Variants in IFTAP observed in about 807,000 individuals in gnomAD.
IFTAP encodes intraflagellar transport-associated protein.
In IFTAP, 19 loss-of-function variants were observed where a neutral mutation model predicts 19.4. That is an observed-to-expected ratio of 0.98 (90% CI 0.68 to 1.44). IFTAP has a LOEUF of 1.44. Ranked by LOEUF, IFTAP falls within the 40% of genes most tolerant of loss-of-function variation. IFTAP has a pLI of 0.00. For missense variants in IFTAP, 240 were observed against 253.6 expected, an observed-to-expected ratio of 0.95 and a Z score of 0.36; for synonymous variants, 85 against 83.5, an observed-to-expected ratio of 1.02 and a Z score of -0.10.
intron 1 of IFTAP, among the ~76,000 whole-genome samples, chr11:36,608,575 A>G (rs1851773231): frequency 6.6e-6 from 1 of 152,218 alleles, no homozygotes; most frequent in Non-Finnish European, 1.5e-5. Flanking sequence ...AAATATCATA[A>G]GTGAAAATGA....
chr11:36,611,811 G>A (rs1187050825), intron 2 of IFTAP, among the ~76,000 whole-genome samples: 1 of 151,974 alleles, frequency 6.6e-6, no homozygotes, highest in Non-Finnish European at 1.5e-5. Flanking sequence ...TCTTGATAAT[G>A]ACCAAATTAT....
intron 2 of IFTAP, among the ~76,000 whole-genome samples, chr11:36,616,692 C>T (rs931543399): frequency 6.6e-6 from 1 of 151,848 alleles, no homozygotes; most frequent in Non-Finnish European, 1.5e-5. Flanking sequence ...CAGTGCTTTT[C>T]CAGCATTACA....
At position 36,610,117 on chromosome 11, in the gene IFTAP, T is replaced by C; in HGVS notation, c.14T>C (p.Met5Thr). ...TCATGAATAGGAATGTCTGCCCATA[T>C]GTCAGGATTGGAAATAATGGATGAA... MSAH[M>T]SGLEIMDEDQ... The change falls in exon 2 of 6, where the codon ATG (methionine) becomes ACG (threonine). Residue 5 changes from methionine to threonine, a missense_variant. Met to Thr is a moderately conservative substitution (Grantham distance 81). Coordinates refer to ENST00000334307, the MANE Select transcript of IFTAP (RefSeq NM_138787.4). 3 of 1,613,166 alleles carry C rather than the reference T, an allele frequency of 1.9e-6. No homozygotes were observed. The highest frequency in any genetic ancestry group is 1.3e-5 in the African/African-American group (1 of 75,000).
At chr11:36,649,616 TA>T (rs1261848960) in intron 5 of IFTAP, among the ~76,000 whole-genome samples, 3 of 152,060 alleles carry the variant, frequency 2.0e-5, no homozygotes, top group Non-Finnish European at 2.9e-5. Context: ...ATTAATGGGT[TA>T]AAAAAACTGA....
Position 36,645,391 on chromosome 11 carries a change from G to A in IFTAP, c.359-2625G>A, listed in dbSNP as rs184361464. Among the ~76,000 whole-genome samples, 12 of 152,240 alleles carry A rather than the reference G, an allele frequency of 7.9e-5. No homozygotes were observed. In the East Asian group the frequency reaches 2.1e-3, roughly 27 times the overall value. On this transcript the variant is annotated intron_variant, in intron 4 of 5. Coordinates refer to ENST00000334307, the MANE Select transcript of IFTAP (RefSeq NM_138787.4). Reference sequence around the variant, plus strand: ...CCAACCTCAAGATTCATTTTTGAAAGTGGCCCTGATTCTATGATGCCAAGA... The same window carrying A: ...CCAACCTCAAGATTCATTTTTGAAAATGGCCCTGATTCTATGATGCCAAGA...
intron 1 of IFTAP, among the ~76,000 whole-genome samples, chr11:36,608,269 A>G (rs893074949): frequency 5.3e-5 from 8 of 152,228 alleles, no homozygotes; most frequent in South Asian, 4.1e-4. Flanking sequence ...GTCAGGAGAT[A>G]CTTAAAGGTT....
At chr11:36,642,438 G>A (rs980772272) in intron 4 of IFTAP, among the ~76,000 whole-genome samples, 2 of 152,154 alleles carry the variant, frequency 1.3e-5, no homozygotes, top group African/African-American at 4.8e-5. Flanking sequence ...ACGAGGAGGA[G>A]CTGGTACCAT....
At chr11:36,616,230 T>G (rs987034607) in intron 2 of IFTAP, among the ~76,000 whole-genome samples, 29 of 151,992 alleles carry the variant, frequency 1.9e-4, no homozygotes, top group Admixed American at 1.8e-3. Flanking sequence ...CAGCTTTCTA[T>G]TCACTGCCAT....
At chr11:36,596,222 G>GTTT (rs67282079) in intron 1 of IFTAP, among the ~76,000 whole-genome samples, 44 of 118,374 alleles carry the variant, frequency 3.7e-4, no homozygotes, top group African/African-American at 9.9e-4. Context: ...TTTTTTTTTT[G>GTTT]TTTTTTTTTT....
intron 3 of IFTAP, among the ~76,000 whole-genome samples, chr11:36,634,216 C>T (rs1053029441): frequency 4.6e-5 from 7 of 152,044 alleles, no homozygotes; most frequent in Non-Finnish European, 1.0e-4. Flanking sequence ...TATAGAGAGT[C>T]TTTAACCAGC....
At chr11:36,608,632 T>C (rs900196245) in intron 1 of IFTAP, among the ~76,000 whole-genome samples, 1 of 152,168 alleles carries the variant, frequency 6.6e-6, no homozygotes, top group Non-Finnish European at 1.5e-5. Context: ...AGCTGACAGG[T>C]GTTCAGTTAG....
chr11:36,655,996 T>C (rs951315878), intron 5 of IFTAP, among the ~76,000 whole-genome samples: 12 of 152,232 alleles, frequency 7.9e-5, no homozygotes, highest in African/African-American at 2.6e-4. Context: ...GAAAATAAGA[T>C]GTTTCTATTT....
rs138766788 is a variant in IFTAP, at chr11:36,604,396, A to G, written c.-23-5685A>G. Reference sequence around the variant, plus strand: ...AACTTGAAGTGCAGCGTATACCTTGATGCTAGAATTGTATGTTTTTTATTT... The same window carrying G: ...AACTTGAAGTGCAGCGTATACCTTGGTGCTAGAATTGTATGTTTTTTATTT... On this transcript the variant is annotated intron_variant, in intron 1 of 5. Transcript: ENST00000334307. Among the ~76,000 whole-genome samples, 669 of 152,326 alleles carry G rather than the reference A, an allele frequency of 4.4e-3. 6 individuals are homozygous for G. The highest frequency in any genetic ancestry group is 0.015 in the African/African-American group (630 of 41,572).
At chr11:36,612,143 A>G (rs1851901003) in intron 2 of IFTAP, among the ~76,000 whole-genome samples, 1 of 152,106 alleles carries the variant, frequency 6.6e-6, no homozygotes, top group Admixed American at 6.6e-5. Flanking sequence ...TTCGAATTCC[A>G]GTATGATCAT....
At chr11:36,620,488 C>T (rs1852250399) in intron 2 of IFTAP, among the ~76,000 whole-genome samples, 1 of 151,966 alleles carries the variant, frequency 6.6e-6, no homozygotes, top group South Asian at 2.1e-4. Flanking sequence ...AAGGAAATTT[C>T]CCCTTTCAAA....
intron 4 of IFTAP, among the ~76,000 whole-genome samples, chr11:36,644,143 A>G (rs1325016514): frequency 1.3e-5 from 2 of 152,210 alleles, no homozygotes; most frequent in Non-Finnish European, 2.9e-5. Flanking sequence ...AACTCAAACA[A>G]GTTTACAAGA....
At chr11:36,653,578 C>T (rs1324794982) in intron 5 of IFTAP, among the ~76,000 whole-genome samples, 1 of 152,108 alleles carries the variant, frequency 6.6e-6, no homozygotes, top group Admixed American at 6.6e-5. Context: ...AAGAGAATTT[C>T]CAAAGTATGC....
intron 5 of IFTAP, among the ~76,000 whole-genome samples, chr11:36,649,982 G>A (rs1853645976): frequency 1.3e-5 from 2 of 151,980 alleles, no homozygotes; most frequent in African/African-American, 4.8e-5. Flanking sequence ...GGAGCATTAT[G>A]GATTTCAGAT....
intron 4 of IFTAP, among the ~76,000 whole-genome samples, chr11:36,646,698 G>A (rs1021852122): frequency 2.6e-5 from 4 of 152,152 alleles, no homozygotes; most frequent in African/African-American, 9.7e-5. Context: ...AGACTGTCCA[G>A]CTCTGCCGTT....
Sources: allele counts gnomAD v4.1 joint callset (sites outside exome capture counted in the v4.1 genomes callset), GRCh38; gene constraint gnomAD v4.1.1; transcripts MANE v1.5; gene names NCBI Gene and HGNC (gene_info 2026-07-23, HGNC 2026-07-21).